The following CARMIL3 variants were observed in gnomAD, a reference collection of about 807,000 sequenced individuals.
CARMIL3 encodes the protein capping protein regulator and myosin 1 linker 3.
Under a neutral mutation model 180.8 loss-of-function variants are expected in CARMIL3, and 88 were observed. The observed-to-expected ratio is 0.49, with a 90% CI of 0.41 to 0.58. The LOEUF (loss-of-function observed/expected upper bound fraction) is 0.58. Ranked by LOEUF, CARMIL3 falls within the 20% of genes least tolerant of loss-of-function variation. The probability of loss-of-function intolerance (pLI) is 0.00; values close to 1 mark genes in which losing one functional copy is unlikely to be tolerated. For synonymous variants in CARMIL3, 696 were observed against 714.5 expected (o/e 0.97, Z 0.41); for missense variants, 1,548 against 1,787.0 (o/e 0.87, Z 2.41).
chr14:24,062,242 A>T, intron 27 of CARMIL3: 1 of 582,034 alleles, frequency 1.7e-6, no homozygotes, highest in Non-Finnish European at 3.1e-6. Context: ...CTTCTCCTCG[A>T]ATTCCTCTTT....
chr14:24,063,678 T>C, intron 31 of CARMIL3, 145 bp downstream of exon 31: 2 of 732,306 alleles, frequency 2.7e-6, no homozygotes, highest in South Asian at 4.2e-5. Flanking sequence ...AGATGAGGGA[T>C]TGCCCAGTTT....
chr14:24,053,145 C>T (rs968855132), intron 1 of CARMIL3, among the ~76,000 whole-genome samples: 1 of 152,236 alleles, frequency 6.6e-6, no homozygotes, highest in Middle Eastern at 3.4e-3. Context: ...TTCTTCTCCC[C>T]GCCCAACACA....
Position 24,056,896 on chromosome 14 carries a change from C to T in CARMIL3, c.953-19C>T. The T allele has an allele frequency of 6.2e-7, 1 of 1,612,484 alleles. No homozygotes were observed. The highest frequency in any genetic ancestry group is 1.3e-5 in the African/African-American group (1 of 75,006). On this transcript the variant is annotated intron_variant, in intron 12 of 39. Transcript: ENST00000342740. Reference sequence around the variant, plus strand: ...GGTGGGGCTAGGGGCCAACCCAGCCCAGTGCCCGCTGTGCTCAGGGCTCCA... The same window carrying T: ...GGTGGGGCTAGGGGCCAACCCAGCCTAGTGCCCGCTGTGCTCAGGGCTCCA...
chr14:24,053,010 T>C (rs148627448), intron 1 of CARMIL3, among the ~76,000 whole-genome samples: 1 of 151,866 alleles, frequency 6.6e-6, no homozygotes, highest in East Asian at 1.9e-4. Context: ...GCACAATCAT[T>C]AGACGTGTGT....
In CARMIL3 at chr14:24,068,907, TCAA is replaced by T. The variant is rs983517608; in HGVS notation, c.3927_3929del (p.Asn1309del). On this transcript the variant is annotated inframe_deletion, in exon 38 of 40. Transcript: ENST00000342740. ...GAGGCTGGAGATGCAGCTCCAGGAGTCAACAAACCCCGGCTGAGGCTGAGCTCA... is the reference window on the plus strand; with the variant it reads ...GAGGCTGGAGATGCAGCTCCAGGAGTCAAACCCCGGCTGAGGCTGAGCTCA... 32 of 1,599,074 alleles carry T rather than the reference TCAA, an allele frequency of 2.0e-5. No individual in the cohort carries two copies. The highest frequency in any genetic ancestry group is 2.6e-5 in the Non-Finnish European group (30 of 1,173,098).
At chr14:24,067,358 A>T (rs1263803738) in intron 36 of CARMIL3, among the ~76,000 whole-genome samples, 3 of 152,262 alleles carry the variant, frequency 2.0e-5, no homozygotes, top group African/African-American at 4.8e-5. Context: ...CAGTTGCCAA[A>T]GGCCTGGACC....
chr14:24,065,290 G>T lies in CARMIL3; in HGVS notation c.3396+17G>T, dbSNP rs755569490. ...CGGAAGATGGTAAGTGAGGCAGGGG[G>T]TGCTGTGTCTTCCCCTTTTCCTGCC... On this transcript the variant is annotated intron_variant, in intron 33 of 39. Transcript: ENST00000342740. The T allele has an allele frequency of 2.0e-6, 3 of 1,506,128 alleles. No individual in the cohort carries two copies. In the South Asian group the frequency reaches 4.2e-5, roughly 21 times the overall value. 93.3% of individuals were successfully genotyped at this position (1,506,128 alleles called of 1,614,324 possible).
rs757502071 is a variant in CARMIL3 at position 24,069,235 on chromosome 14, C to T, written c.4081C>T (p.Pro1361Ser). 7 of 1,613,958 alleles carry T rather than the reference C, an allele frequency of 4.3e-6. No homozygotes were observed. The highest frequency in any genetic ancestry group is 5.9e-6 in the Non-Finnish European group (7 of 1,180,002). ...GCTGGAACCTGATAGAAGACGGCCT[C>T]CTGACCCCACAGGTGCTGGTGGTGA... is the stretch of plus-strand genomic sequence containing the variant. ...DKLEPDRRRPPDPTGTSEPGT... is the reference protein window; with the variant it reads ...DKLEPDRRRPSDPTGTSEPGT... The change falls in exon 39 of 40, where the codon CCT becomes TCT. Residue 1361 changes from proline to serine, a missense_variant. Physicochemically the swap from Pro to Ser is moderately conservative, Grantham distance 74 (BLOSUM62 -1). Coordinates refer to ENST00000342740, the MANE Select transcript of CARMIL3 (RefSeq NM_138360.4).
chr14:24,067,082 G>GT (rs1255057149), intron 36 of CARMIL3, among the ~76,000 whole-genome samples: 1 of 152,198 alleles, frequency 6.6e-6, no homozygotes, highest in East Asian at 1.9e-4. Context: ...TCCAGAAGTC[G>GT]TTTATCAACT....
At chr14:24,063,607 C>A (rs2035755816) in intron 31 of CARMIL3, 74 bp downstream of exon 31, 7 of 1,427,672 alleles carry the variant, frequency 4.9e-6, no homozygotes, top group Non-Finnish European at 6.6e-6. Context: ...ACCTTTAGGA[C>A]CCAAATGCCA....
rs749036363 is a variant in CARMIL3, at chr14:24,058,060, C to A, written c.1318C>A (p.Leu440Ile). ...LSATKLPLEA[L>I]RALLQGLSLN... ...GGCCACAAAGCTGCCCCTGGAGGCCCTCAGGTCGGGTGGGTGCAGGGTTGG... is the reference window on the plus strand; with the variant it reads ...GGCCACAAAGCTGCCCCTGGAGGCCATCAGGTCGGGTGGGTGCAGGGTTGG... The change falls in exon 16 of 40, where the codon CTC becomes ATC. Residue 440 changes from leucine to isoleucine, a missense_variant. Transcript: ENST00000342740. The surrounding 1 kb of genome is among the most constrained non-coding windows in gnomAD (Gnocchi z 6.4). 1.2e-6 allele frequency: 2 copies of A among 1,613,852 alleles called. No homozygotes were observed. The highest frequency in any genetic ancestry group is 1.6e-4 in the Middle Eastern group (1 of 6,062).
intron 32 of CARMIL3, among the ~76,000 whole-genome samples, chr14:24,064,735 A>G (rs894458556): frequency 3.9e-5 from 6 of 152,098 alleles, no homozygotes; most frequent in African/African-American, 1.4e-4. Context: ...AGAAGCTGAG[A>G]GGAGTTGCAG....
chr14:24,055,817 A>G (rs1196651600), intron 10 of CARMIL3, 28 bp downstream of exon 10: 3 of 1,604,180 alleles, frequency 1.9e-6, no homozygotes, highest in Non-Finnish European at 2.6e-6. Context: ...CTTGGGCAGT[A>G]GTGCACCCTT....
At position 24,058,017 on chromosome 14, in the gene CARMIL3, G is replaced by A. The variant is rs753129149; in HGVS notation, c.1275G>A (p.Leu425=). Residue 425 remains leucine (L), a synonymous_variant, in exon 16 of 40, where the codon CTG becomes CTA. Coordinates refer to ENST00000342740, the MANE Select transcript of CARMIL3 (RefSeq NM_138360.4). The surrounding 1 kb of genome is among the most constrained non-coding windows in gnomAD (Gnocchi z 6.4). ...FKQFFSSAYT[L]SHVNLSATKL... is the part of the protein sequence containing the mutation. ...AGTTCTTCAGCAGCGCCTACACACT[G>A]AGCCACGTCAATCTGTCGGCCACAA... 1.1e-5 allele frequency: 18 copies of A among 1,613,662 alleles called. No homozygotes were observed. Among genetic ancestry groups the A allele is most frequent in the Non-Finnish European group, 1.5e-5 (18 of 1,180,014 alleles).
rs955679033 is a variant in CARMIL3 at position 24,061,924 on chromosome 14, C to T, written c.2480+252C>T. 13 of 460,920 alleles carry T rather than the reference C, an allele frequency of 2.8e-5. No individual in the cohort carries two copies. The highest frequency in any genetic ancestry group is 1.1e-3 in the Middle Eastern group (2 of 1,740). The allele number at this position is 460,920 out of a possible 1,614,324, so 28.6% of individuals were successfully genotyped here. On this transcript the variant is annotated intron_variant, in intron 27 of 39. Transcript: ENST00000342740. This position sits in a 1 kb window ranked among gnomAD's most constrained non-coding sequence, Gnocchi z 4.1. Reference sequence around the variant, plus strand: ...GTACACACACATACCCACACAAATACACCAGGAATGGGATAGCAGGGCCTC... The same window carrying T: ...GTACACACACATACCCACACAAATATACCAGGAATGGGATAGCAGGGCCTC...
chr14:24,052,325 C>T (rs894153624), intron 1 of CARMIL3, 132 bp downstream of exon 1: 1 of 872,566 alleles, frequency 1.1e-6, no homozygotes, highest in Admixed American at 3.4e-5. Context: ...CAAGGCAGCC[C>T]CTGCATTCCA....
chr14:24,057,013 G>C lies in CARMIL3; in HGVS notation c.1051G>C (p.Asp351His), dbSNP rs2035678732. The C allele has an allele frequency of 1.9e-6, 3 of 1,613,406 alleles. No homozygotes were observed. Among genetic ancestry groups the C allele is most frequent in the Non-Finnish European group, 2.5e-6 (3 of 1,179,678 alleles). Residue 351 changes from aspartate (D) to histidine (H), a missense_variant, in exon 13 of 40, where the codon GAT becomes CAT. By Grantham distance (81) the Asp-to-His change is moderately conservative. This residue lies in a region of CARMIL3 where 578 missense variants were observed against 666.5 expected (regional missense o/e 0.87). Coordinates refer to ENST00000342740, the MANE Select transcript of CARMIL3 (RefSeq NM_138360.4). ...CAAGAATCCTGGGCTCCTCGCCACG[G>C]ATGAGGCCAATGTGAGTCCTCAGAA... ...LSKNPGLLAT[D>H]EANALYSFLA... is the part of the protein sequence containing the mutation.
intron 28 of CARMIL3, 60 bp downstream of exon 28, chr14:24,062,627 G>A: frequency 6.2e-7 from 1 of 1,613,288 alleles, no homozygotes; most frequent in Non-Finnish European, 8.5e-7. Context: ...ACATTATCCT[G>A]TCTCCCTAAT....
At position 24,060,681 on chromosome 14, in the gene CARMIL3, A is replaced by C. The variant is rs1951635; in HGVS notation, c.2115A>C (p.Leu705=). The stretch of plus-strand genomic sequence containing the variant: ...AGGAGGAGGTGCGGGCCCTGAGACT[A>C]TGCCCCCTGGAGCCTGTGCAGGATG... ...RVQEEVRALR[L]CPLEPVQDEL... The change falls in exon 25 of 40, where the codon CTA becomes CTC. Residue 705 remains leucine (L), a synonymous_variant. Transcript: ENST00000342740. 5 of 1,613,912 alleles carry C rather than the reference A, an allele frequency of 3.1e-6. No homozygotes were observed. The African/African-American group carries it at 5.3e-5, about 17-fold the overall frequency.
Sources: gnomAD v4.1 joint callset for allele counts (sites outside exome capture counted in the v4.1 genomes callset) on GRCh38, gnomAD v4.1.1 for gene constraint, gnomAD v4.1.1 regional missense constraint, Gnocchi (gnomAD v3.1) non-coding constraint, MANE v1.5 for transcripts, NCBI Gene and HGNC (gene_info 2026-07-23, HGNC 2026-07-21) for gene names.